TNR: variants seen among roughly 807,000 people sequenced by gnomAD.
The protein encoded by TNR is tenascin-R.
A neutral mutation model predicts 150.4 loss-of-function variants in TNR; 45 were observed. That is an observed-to-expected ratio of 0.30 (90% CI 0.24 to 0.38). The LOEUF (loss-of-function observed/expected upper bound fraction) is 0.38. Among genes scored for constraint, TNR ranks in the 10% least tolerant of loss-of-function variants. TNR has a pLI of 1.00. For synonymous variants in TNR, 687 were observed against 678.4 expected, an observed-to-expected ratio of 1.01 and a Z score of -0.20; for missense variants, 1,544 against 1,759.1, an observed-to-expected ratio of 0.88 and a Z score of 2.19.
chr1:175,585,645 T>C (rs955649836), intron 1 of TNR, among the ~76,000 whole-genome samples: 3 of 152,198 alleles, frequency 2.0e-5, no homozygotes, highest in South Asian at 2.1e-4. Context: ...AATAGTATAA[T>C]AGCATAATAT....
chr1:175,467,738 C>G (rs906066366), intron 2 of TNR, among the ~76,000 whole-genome samples: 1 of 152,126 alleles, frequency 6.6e-6, no homozygotes, highest in Admixed American at 6.5e-5. Flanking sequence ...AAAGGAAATA[C>G]GTGGGAATTT....
intron 2 of TNR, among the ~76,000 whole-genome samples, chr1:175,465,647 T>C (rs1184539742): frequency 6.6e-6 from 1 of 152,044 alleles, no homozygotes; most frequent in Non-Finnish European, 1.5e-5. Context: ...GGAAGGAAGA[T>C]GGAAAGGAAA....
intron 1 of TNR, among the ~76,000 whole-genome samples, chr1:175,646,551 C>T (rs1664815254): frequency 6.6e-6 from 1 of 152,196 alleles, no homozygotes; most frequent in Non-Finnish European, 1.5e-5. Context: ...GAACTTTAAT[C>T]CTCTACTGAT....
intron 1 of TNR, among the ~76,000 whole-genome samples, chr1:175,737,843 C>T (rs943242986): frequency 1.3e-5 from 2 of 152,152 alleles, no homozygotes; most frequent in Admixed American, 6.5e-5. Flanking sequence ...ACTAATGGGT[C>T]TGTTGGCTCA....
intron 1 of TNR, among the ~76,000 whole-genome samples, chr1:175,593,729 A>G (rs1269358613): frequency 4.6e-5 from 7 of 152,064 alleles, no homozygotes; most frequent in Non-Finnish European, 7.4e-5. Context: ...CCCCTCTTCT[A>G]TTGTCTGCAC....
intron 2 of TNR, among the ~76,000 whole-genome samples, chr1:175,486,733 C>G (rs1463757983): frequency 6.6e-6 from 1 of 152,190 alleles, no homozygotes. Context: ...AATTTACACT[C>G]CCACCAACAG....
chr1:175,379,020 A>C (rs989307419), intron 9 of TNR, among the ~76,000 whole-genome samples: 17 of 152,114 alleles, frequency 1.1e-4, no homozygotes, highest in African/African-American at 3.9e-4. Context: ...TCTCTACTAA[A>C]AACACAAAAT....
intron 1 of TNR, among the ~76,000 whole-genome samples, chr1:175,603,877 G>T (rs189050192): frequency 6.6e-6 from 1 of 152,202 alleles, no homozygotes; most frequent in Non-Finnish European, 1.5e-5. Context: ...TAGACTGCAG[G>T]CTCCTTCAGG....
At chr1:175,583,165 C>T (rs1322293839) in intron 1 of TNR, among the ~76,000 whole-genome samples, 3 of 152,148 alleles carry the variant, frequency 2.0e-5, no homozygotes, top group East Asian at 3.9e-4. Context: ...TACCTCAACC[C>T]CCTAGACTGC....
chr1:175,584,841 T>C (rs149836439), intron 1 of TNR, among the ~76,000 whole-genome samples: 2 of 152,350 alleles, frequency 1.3e-5, no homozygotes, highest in East Asian at 3.9e-4. Flanking sequence ...GAGCTTGTAC[T>C]AATTAGTATA....
chr1:175,401,367 T>C (rs1472787654), intron 4 of TNR, among the ~76,000 whole-genome samples: 3 of 152,156 alleles, frequency 2.0e-5, no homozygotes, highest in African/African-American at 7.2e-5. Context: ...TGGGGTCTCA[T>C]GGAGCCTCAT....
chr1:175,369,516 T>C (rs1296612310), intron 9 of TNR, among the ~76,000 whole-genome samples: 1 of 152,188 alleles, frequency 6.6e-6, no homozygotes, highest in Non-Finnish European at 1.5e-5. Flanking sequence ...TATGACCTCA[T>C]CTTAACTCTA....
chr1:175,715,452 C>G (rs978417430), intron 1 of TNR, among the ~76,000 whole-genome samples: 3 of 152,178 alleles, frequency 2.0e-5, no homozygotes. Flanking sequence ...TTCTTCCCTT[C>G]TCTTTCATCC....
In TNR at chr1:175,724,255, C is replaced by T. The variant is rs199528229; in HGVS notation, c.-165+18971G>A. On this transcript the variant is annotated intron_variant, in intron 1 of 22. Transcript: ENST00000367674. ...ACAGGAAGCATGATGCTGGCATCTG[C>T]TTGTCTTCTGGGGAGGTCTCAGGAA... Among the ~76,000 whole-genome samples the T allele has an allele frequency of 2.0e-5, 3 of 152,160 alleles. No homozygotes were observed. In the East Asian group the frequency reaches 5.8e-4, roughly 29 times the overall value.
At chr1:175,435,651 C>A (rs1277623838) in intron 2 of TNR, among the ~76,000 whole-genome samples, 1 of 152,152 alleles carries the variant, frequency 6.6e-6, no homozygotes, top group African/African-American at 2.4e-5. Flanking sequence ...AGGACTGATC[C>A]CTGTGACACA....
At chr1:175,644,924 CT>C (rs975451433) in intron 1 of TNR, among the ~76,000 whole-genome samples, 7 of 151,946 alleles carry the variant, frequency 4.6e-5, no homozygotes, top group Non-Finnish European at 1.0e-4. Context: ...CTCACTTCAT[CT>C]TTGTGAATAA....
rs150742993 is a variant in TNR, at chr1:175,568,766, A to G, written c.-164-40397T>C. ...TAGAGTTCACAGGAACCCTCCTCTT[A>G]GGGACTTGAGACTCTTGAAGGAAGC... On this transcript the variant is annotated intron_variant, in intron 1 of 22. Coordinates refer to ENST00000367674, the MANE Select transcript of TNR (RefSeq NM_003285.3). Among the ~76,000 whole-genome samples, 3 of 152,304 alleles carry G rather than the reference A, an allele frequency of 2.0e-5. No individual in the cohort carries two copies. The East Asian group carries it at 5.8e-4, about 29-fold the overall frequency.
chr1:175,598,619 C>A (rs1384455287), intron 1 of TNR, among the ~76,000 whole-genome samples: 1 of 152,168 alleles, frequency 6.6e-6, no homozygotes, highest in African/African-American at 2.4e-5. Flanking sequence ...AATCCAAATT[C>A]TAAAAGGTTA....
chr1:175,591,150 T>C (rs776026655), intron 1 of TNR, among the ~76,000 whole-genome samples: 6 of 152,196 alleles, frequency 3.9e-5, no homozygotes, highest in Non-Finnish European at 7.3e-5. Flanking sequence ...GATGTGTGTG[T>C]CTGCATCTTT....
Sources: allele counts gnomAD v4.1 joint callset (sites outside exome capture counted in the v4.1 genomes callset), GRCh38; gene constraint gnomAD v4.1.1; transcripts MANE v1.5; gene names NCBI Gene and HGNC (gene_info 2026-07-23, HGNC 2026-07-21).